ANKRD42: variants seen among roughly 807,000 people sequenced by gnomAD.
ANKRD42 encodes ankyrin repeat domain 42.
A neutral mutation model predicts 51.5 loss-of-function variants in ANKRD42; 43 were observed. The ratio of observed to expected loss-of-function variants is 0.83; its 90% confidence interval spans 0.65 to 1.08. The LOEUF (loss-of-function observed/expected upper bound fraction) is 1.08, where lower values mean the gene tolerates loss of function less well. Among genes scored for constraint, ANKRD42 ranks in the 50% least tolerant of loss-of-function variants. The pLI is 0.00. For synonymous variants in ANKRD42, 203 were observed against 213.0 expected, an observed-to-expected ratio of 0.95 and a Z score of 0.41; for missense variants, 608 against 629.3, an observed-to-expected ratio of 0.97 and a Z score of 0.36.
At chr11:83,212,470 T>C (rs1446665264) in intron 5 of ANKRD42, among the ~76,000 whole-genome samples, 1 of 152,222 alleles carries the variant, frequency 6.6e-6, no homozygotes, top group Non-Finnish European at 1.5e-5. Context: ...TAACCTACAG[T>C]AAAGTGGCCA....
intron 6 of ANKRD42, 57 bp downstream of exon 6, chr11:83,225,112 T>A: frequency 6.9e-7 from 1 of 1,445,882 alleles, no homozygotes; most frequent in Non-Finnish European, 9.5e-7. Context: ...ATGATGATAA[T>A]ATAATGAGTA....
At chr11:83,252,527 T>C (rs915676130), downstream of ANKRD42, among the ~76,000 whole-genome samples, 2 of 152,204 alleles carry the variant, frequency 1.3e-5, no homozygotes, top group South Asian at 4.1e-4. Context: ...AATGTGTGAA[T>C]TGCTACTCTA....
chr11:83,212,759 C>T, intron 5 of ANKRD42: 1 of 1,532,670 alleles, frequency 6.5e-7, no homozygotes, highest in Non-Finnish European at 8.7e-7. Context: ...TATATCTTTA[C>T]ACTACTGTCC....
rs1845195243 is a variant in ANKRD42, at chr11:83,240,918, T to TA, written c.1183dup (p.Thr395AsnfsTer26). The TA allele has an allele frequency of 1.9e-6, 3 of 1,612,676 alleles. No homozygotes were observed. Among genetic ancestry groups the TA allele is most frequent in the Admixed American group, 1.7e-5 (1 of 59,778 alleles). On this transcript the variant is annotated frameshift_variant, in exon 9 of 11. Coordinates refer to ENST00000533342, the MANE Select transcript of ANKRD42 (RefSeq NM_001300975.2). LOFTEE classifies it high-confidence loss of function. ...ATGATTTATGTCTGAGTGACTTGGA[T>TA]AAAACAGATGCCAGAAGTAAGTATG...
downstream of ANKRD42, chr11:83,259,333 C>T (rs1863833950): frequency 6.6e-6 from 1 of 152,102 alleles, no homozygotes; most frequent in Admixed American, 6.5e-5. Context: ...CCAGAACCAC[C>T]ATCAAAATGA....
Position 83,213,293 on chromosome 11 carries a change from G to A in ANKRD42, c.586+1863G>A, listed in dbSNP as rs960790928. On this transcript the variant is annotated intron_variant, in intron 5 of 10. Transcript: ENST00000533342. ...GCTGATGTGCAACAGATCTTACTGTGCTGAGATGTTTCCTCCAAGAACTGC... is the reference window on the plus strand; with the variant it reads ...GCTGATGTGCAACAGATCTTACTGTACTGAGATGTTTCCTCCAAGAACTGC... 4.1e-5 allele frequency: 66 copies of A among 1,592,340 alleles called. No homozygotes were observed. In the African/African-American group the frequency reaches 7.8e-4, roughly 19 times the overall value.
At chr11:83,247,110 G>A (rs2135558915) in intron 10 of ANKRD42, among the ~76,000 whole-genome samples, 1 of 146,414 alleles carries the variant, frequency 6.8e-6, no homozygotes, top group African/African-American at 2.5e-5. Context: ...GAAGTGTTTT[G>A]AGATGTAGAT....
intron 3 of ANKRD42, chr11:83,209,992 G>T (rs1307396050): frequency 5.6e-6 from 2 of 356,478 alleles, no homozygotes; most frequent in Non-Finnish European, 1.0e-5. Context: ...TTCCTGCCGG[G>T]TGTTGTATGT....
chr11:83,244,642 T>C (rs1220988263), intron 9 of ANKRD42, among the ~76,000 whole-genome samples: 1 of 152,190 alleles, frequency 6.6e-6, no homozygotes, highest in Non-Finnish European at 1.5e-5. Context: ...GCAAAACTTA[T>C]TCAGAGGTTG....
At chr11:83,212,793 A>C in intron 5 of ANKRD42, 1 of 1,502,378 alleles carries the variant, frequency 6.7e-7, no homozygotes, top group Non-Finnish European at 8.9e-7. Context: ...TTTTTTCTGA[A>C]GGTCGTCTTT....
At chr11:83,213,831 A>C (rs940262462) in intron 5 of ANKRD42, 1 of 153,160 alleles carries the variant, frequency 6.5e-6, no homozygotes, top group Admixed American at 6.5e-5. Context: ...ATATCTTTCT[A>C]ATCTTTCTAC....
At chr11:83,258,174 T>C (rs976574485), downstream of ANKRD42, among the ~76,000 whole-genome samples, 1 of 152,162 alleles carries the variant, frequency 6.6e-6, no homozygotes, top group African/African-American at 2.4e-5. Context: ...ATATTAGCCC[T>C]AGAATGCTTA....
At chr11:83,214,301 A>G in intron 5 of ANKRD42, 1 of 440,490 alleles carries the variant, frequency 2.3e-6, no homozygotes, top group Non-Finnish European at 3.0e-6. Flanking sequence ...GTTATCTGTT[A>G]GAAATTTTAT....
At chr11:83,210,242 G>A in intron 3 of ANKRD42, 58 bp from the exon 4 acceptor site, 2 of 1,536,860 alleles carry the variant, frequency 1.3e-6, no homozygotes, top group Non-Finnish European at 8.9e-7. Context: ...ATCTGCATCT[G>A]CATTTATGGT....
chr11:83,211,139 A>G lies in ANKRD42; in HGVS notation c.451-156A>G, dbSNP rs953952538. 5 of 905,462 alleles carry G rather than the reference A, an allele frequency of 5.5e-6. No homozygotes were observed. In the African/African-American group the frequency reaches 8.3e-5, roughly 15 times the overall value. The allele number at this position is 905,462 out of a possible 1,614,324, so 56.1% of individuals were successfully genotyped here. ...TTTATAAAATTTTATTAGCTCATAT[A>G]TTCAAATTAGTGGTTGCAGTACATT... is the stretch of plus-strand genomic sequence containing the variant. On this transcript the variant is annotated intron_variant, in intron 4 of 10. Transcript: ENST00000533342.
intron 10 of ANKRD42, among the ~76,000 whole-genome samples, chr11:83,247,438 C>T (rs1863577656): frequency 6.6e-6 from 1 of 152,142 alleles, no homozygotes; most frequent in South Asian, 2.1e-4. Context: ...AGGCATCCTT[C>T]TACTTTAGGG....
chr11:83,196,379 TTGTGTGTGAG>T (rs1338103230), intron 1 of ANKRD42, among the ~76,000 whole-genome samples: 2 of 147,248 alleles, frequency 1.4e-5, no homozygotes, highest in Non-Finnish European at 3.0e-5. Context: ...GTAGTAGGAT[TTGTGTGTGAG>T]TGTGTGAGAG....
intron 5 of ANKRD42, among the ~76,000 whole-genome samples, chr11:83,216,326 A>G (rs1168065984): frequency 1.4e-5 from 2 of 142,386 alleles, no homozygotes; most frequent in Non-Finnish European, 3.1e-5. Context: ...TCCCTTTACC[A>G]TTTCTTTTTT....
intron 1 of ANKRD42, among the ~76,000 whole-genome samples, chr11:83,197,822 A>G (rs1861716520): frequency 6.6e-6 from 1 of 152,242 alleles, no homozygotes; most frequent in Admixed American, 6.5e-5. Flanking sequence ...TAAATTAGAA[A>G]TATAAGAAAG....
Sources: gnomAD v4.1 joint callset for allele counts (sites outside exome capture counted in the v4.1 genomes callset) on GRCh38, gnomAD v4.1.1 for gene constraint, MANE v1.5 for transcripts, NCBI Gene and HGNC (gene_info 2026-07-23, HGNC 2026-07-21) for gene names.